Variants in HOOK3 observed in about 807,000 individuals in gnomAD.
The protein encoded by HOOK3 is protein Hook homolog 3.
HOOK3 carries 24 observed loss-of-function variants against 116.3 expected under a neutral mutation model. That is an observed-to-expected ratio of 0.21 (90% CI 0.15 to 0.29). The LOEUF (loss-of-function observed/expected upper bound fraction) is 0.29. HOOK3 is among the 10% of genes least tolerant of loss of function. HOOK3 has a pLI of 1.00. For missense variants in HOOK3, 632 were observed against 830.2 expected, an observed-to-expected ratio of 0.76 and a Z score of 2.93; for synonymous variants, 275 against 283.0, an observed-to-expected ratio of 0.97 and a Z score of 0.28.
chr8:42,920,855 G>C (rs929079083), intron 2 of HOOK3, among the ~76,000 whole-genome samples: 1 of 152,162 alleles, frequency 6.6e-6, no homozygotes, highest in African/African-American at 2.4e-5. Flanking sequence ...TTGTGAATGC[G>C]CAGTGCCTGG....
intron 18 of HOOK3, among the ~76,000 whole-genome samples, chr8:43,008,740 A>G (rs1310940948): frequency 6.9e-6 from 1 of 144,602 alleles, no homozygotes; most frequent in African/African-American, 2.6e-5. Flanking sequence ...GCTCACTGCA[A>G]GCTCCACCTC....
chr8:42,979,546 A>G (rs1808894233), intron 13 of HOOK3, among the ~76,000 whole-genome samples: 2 of 152,150 alleles, frequency 1.3e-5, no homozygotes, highest in Admixed American at 1.3e-4. Context: ...CTTTTCAGTT[A>G]CCTGAAACTG....
chr8:42,956,687 T>G (rs1202963513), intron 6 of HOOK3, among the ~76,000 whole-genome samples: 1 of 152,118 alleles, frequency 6.6e-6, no homozygotes, highest in Admixed American at 6.5e-5. Flanking sequence ...CAGGTTCAAG[T>G]GATTCTACTG....
chr8:42,997,589 T>G lies in HOOK3; in HGVS notation c.1572T>G (p.Val524=). The G allele has an allele frequency of 6.2e-7, 1 of 1,611,476 alleles. No homozygotes were observed. Among genetic ancestry groups the G allele is most frequent in the Non-Finnish European group, 8.5e-7 (1 of 1,178,052 alleles). Residue 524 remains valine, a synonymous_variant, in exon 16 of 22, where the codon GTT becomes GTG. Transcript: ENST00000307602. ...NQRLLEVQSQ[V]EELQKSLQDQ... is the part of the protein sequence containing the mutation. ...GACTTCTGGAAGTACAGTCACAAGTTGAAGAATTACAAAAATCTTTACAGG... is the reference window on the plus strand; with the variant it reads ...GACTTCTGGAAGTACAGTCACAAGTGGAAGAATTACAAAAATCTTTACAGG...
At chr8:42,975,062 A>C (rs1354870415) in intron 13 of HOOK3, among the ~76,000 whole-genome samples, 1 of 152,092 alleles carries the variant, frequency 6.6e-6, no homozygotes, top group Non-Finnish European at 1.5e-5. Context: ...TGGGGTGGAC[A>C]AGCAGCGGGC....
intron 16 of HOOK3, among the ~76,000 whole-genome samples, chr8:43,001,448 T>A (rs568941522): frequency 2.4e-4 from 37 of 152,142 alleles, no homozygotes; most frequent in Non-Finnish European, 5.1e-4. Flanking sequence ...ATTAATAGTA[T>A]ATACTGTATA....
At chr8:42,949,055 A>G (rs1369674396) in intron 5 of HOOK3, among the ~76,000 whole-genome samples, 3 of 152,158 alleles carry the variant, frequency 2.0e-5, no homozygotes, top group African/African-American at 7.2e-5. Context: ...TGTTGGGTAG[A>G]GGATTACAGT....
At chr8:42,926,294 T>C (rs536194966) in intron 3 of HOOK3, among the ~76,000 whole-genome samples, 17 of 152,316 alleles carry the variant, frequency 1.1e-4, no homozygotes, top group African/African-American at 4.1e-4. Flanking sequence ...ATGTTTTGTT[T>C]TTTGTTTTTT....
At chr8:42,925,479 A>G (rs1807746850) in intron 2 of HOOK3, 78 bp from the exon 3 acceptor site, 21 of 906,166 alleles carry the variant, frequency 2.3e-5, no homozygotes, top group Non-Finnish European at 3.5e-5. Context: ...AAGTGATTAT[A>G]TGGGATGAGA....
At chr8:42,984,578 T>G (rs1809014011) in intron 14 of HOOK3, among the ~76,000 whole-genome samples, 1 of 152,148 alleles carries the variant, frequency 6.6e-6, no homozygotes, top group Non-Finnish European at 1.5e-5. Context: ...TAAGGAAACT[T>G]ATTGGTAATA....
intron 2 of HOOK3, among the ~76,000 whole-genome samples, chr8:42,919,725 G>C (rs1020547499): frequency 6.6e-6 from 1 of 152,204 alleles, no homozygotes; most frequent in Non-Finnish European, 1.5e-5. Flanking sequence ...CAGATCACTC[G>C]CGGTCAGGAG....
rs1385366602 is a variant in HOOK3 at position 42,896,980 on chromosome 8, A to T, written c.-152A>T. On this transcript the variant is annotated 5_prime_UTR_variant, in exon 1 of 22. Coordinates refer to ENST00000307602, the MANE Select transcript of HOOK3 (RefSeq NM_032410.4). ...AGGGGCGCTGGGGGTGACGGTGCGG[A>T]GCCGCTGCCAGCGCTGGGCGAGAGT... The T allele has an allele frequency of 2.2e-6, 1 of 463,296 alleles. No individual in the cohort carries two copies. The highest frequency in any genetic ancestry group is 3.5e-6 in the Non-Finnish European group (1 of 288,864). 28.7% of individuals were successfully genotyped at this position (463,296 alleles called of 1,614,324 possible).
intron 1 of HOOK3, among the ~76,000 whole-genome samples, chr8:42,903,677 C>T (rs1455664120): frequency 6.9e-6 from 1 of 145,848 alleles, no homozygotes; most frequent in African/African-American, 2.5e-5. Context: ...TAAATGAGGT[C>T]GGGCGTGGTG....
At chr8:43,008,662 TA>T (rs1379748706) in intron 18 of HOOK3, among the ~76,000 whole-genome samples, 43 of 148,044 alleles carry the variant, frequency 2.9e-4, no homozygotes, top group African/African-American at 9.4e-4. Flanking sequence ...TTTTTATTTT[TA>T]TTTTTTTTTT....
intron 4 of HOOK3, among the ~76,000 whole-genome samples, chr8:42,938,929 T>G (rs1808032773): frequency 6.6e-6 from 1 of 152,090 alleles, no homozygotes; most frequent in Non-Finnish European, 1.5e-5. Flanking sequence ...TTAACGAGCA[T>G]GCTGCCTTCA....
intron 4 of HOOK3, among the ~76,000 whole-genome samples, chr8:42,938,749 G>C (rs2130376798): frequency 6.6e-6 from 1 of 150,804 alleles, no homozygotes; most frequent in East Asian, 1.9e-4. Flanking sequence ...GATCATTCTT[G>C]GGTGTTTCTC....
At chr8:43,011,615 T>G (rs2130488559) in intron 19 of HOOK3, among the ~76,000 whole-genome samples, 1 of 152,316 alleles carries the variant, frequency 6.6e-6, no homozygotes, top group African/African-American at 2.4e-5. Context: ...GGCTCACGCC[T>G]GTAATCCTGT....
intron 15 of HOOK3, among the ~76,000 whole-genome samples, chr8:42,992,445 C>T (rs954734642): frequency 2.8e-5 from 4 of 141,306 alleles, no homozygotes; most frequent in East Asian, 2.1e-4. Context: ...TGGCCAGGTG[C>T]GGTGGCTCTT....
chr8:42,917,552 C>T (rs1369987853), intron 2 of HOOK3, among the ~76,000 whole-genome samples: 2 of 152,174 alleles, frequency 1.3e-5, no homozygotes, highest in Non-Finnish European at 2.9e-5. Flanking sequence ...AGACACTCCA[C>T]TCAGGAAATT....
Sources: allele counts gnomAD v4.1 joint callset (sites outside exome capture counted in the v4.1 genomes callset), GRCh38; gene constraint gnomAD v4.1.1; transcripts MANE v1.5; gene names NCBI Gene and HGNC (gene_info 2026-07-23, HGNC 2026-07-21).